The following OR1F1 variants were observed in gnomAD, a reference collection of about 807,000 sequenced individuals.
OR1F1 encodes the protein olfactory receptor 1F1.
For missense variants in OR1F1, 493 were observed against 376.3 expected, an observed-to-expected ratio of 1.31 and a Z score of -2.57; for synonymous variants, 184 against 156.7, an observed-to-expected ratio of 1.17 and a Z score of -1.30.
chr16:3,191,978 C>A, the OR1F1 span, among the ~76,000 whole-genome samples: 1 of 152,238 alleles, frequency 6.6e-6, no homozygotes, highest in East Asian at 1.9e-4. Flanking sequence ...AAGTAAAGGG[C>A]CTGCTGCTGT....
chr16:3,190,249 T>C, the OR1F1 span, among the ~76,000 whole-genome samples: 1 of 152,024 alleles, frequency 6.6e-6, no homozygotes, highest in East Asian at 1.9e-4. Flanking sequence ...GCTCCTCTGC[T>C]CCCCTGTCCT....
At chr16:3,205,482 ATTT>A (rs36031331), downstream of OR1F1, among the ~76,000 whole-genome samples, 76 of 143,598 alleles carry the variant, frequency 5.3e-4, no homozygotes, top group East Asian at 8.2e-4. Context: ...GCCTAGCTAA[ATTT>A]TTTTTTTTTT....
the OR1F1 span, among the ~76,000 whole-genome samples, chr16:3,193,112 A>C: frequency 9.2e-5 from 14 of 152,102 alleles, no homozygotes; most frequent in South Asian, 1.7e-3. Flanking sequence ...TTTTTAGTAG[A>C]GACGGGGTTT....
upstream of OR1F1, chr16:3,204,154 T>C (rs974875795): frequency 5.6e-6 from 5 of 891,494 alleles, no homozygotes; most frequent in African/African-American, 8.5e-5. Flanking sequence ...AGCAAAATTC[T>C]ACTGCCATTC....
chr16:3,196,459 C>G, the OR1F1 span, among the ~76,000 whole-genome samples: 2 of 151,918 alleles, frequency 1.3e-5, no homozygotes, highest in Non-Finnish European at 2.9e-5. Flanking sequence ...TTACAGCTCA[C>G]TGCATCCTTG....
chr16:3,200,199 G>A (rs1194932288), upstream of OR1F1, among the ~76,000 whole-genome samples: 1 of 152,174 alleles, frequency 6.6e-6, no homozygotes, highest in Non-Finnish European at 1.5e-5. Context: ...TAGTAAGCCT[G>A]TTCTGGGTGG....
upstream of OR1F1, among the ~76,000 whole-genome samples, chr16:3,203,366 G>A (rs1481007974): frequency 6.6e-6 from 1 of 152,208 alleles, no homozygotes; most frequent in Non-Finnish European, 1.5e-5. Flanking sequence ...AAGCTCCAGT[G>A]ACGAGTCACC....
chr16:3,192,008 A>AT, the OR1F1 span, among the ~76,000 whole-genome samples: 1 of 152,086 alleles, frequency 6.6e-6, no homozygotes, highest in East Asian at 1.9e-4. Context: ...GTCTAGGGGT[A>AT]TGATTCTCGC....
chr16:3,191,574 A>G, the OR1F1 span, among the ~76,000 whole-genome samples: 1 of 151,148 alleles, frequency 6.6e-6, no homozygotes, highest in Non-Finnish European at 1.5e-5. Context: ...ACGTTGGGCG[A>G]CTTGTTTTCT....
chr16:3,189,924 CGTTT>C, the OR1F1 span: 1 of 151,536 alleles, frequency 6.6e-6, no homozygotes, highest in Non-Finnish European at 1.5e-5. Context: ...TTTTTTTTGT[CGTTT>C]GTTTGGTTTT....
the OR1F1 span, among the ~76,000 whole-genome samples, chr16:3,195,109 C>T: frequency 3.9e-5 from 6 of 152,218 alleles, no homozygotes; most frequent in African/African-American, 1.4e-4. Context: ...CGCATCCCGG[C>T]CCAGGAGGGT....
At chr16:3,203,508 G>A (rs1352134941), upstream of OR1F1, among the ~76,000 whole-genome samples, 1 of 152,226 alleles carries the variant, frequency 6.6e-6, no homozygotes, top group Non-Finnish European at 1.5e-5. Flanking sequence ...GCTCACGCCT[G>A]TAATCCCAGC....
chr16:3,204,987 G>C lies in OR1F1; in HGVS notation c.741G>C (p.Val247=). 3 of 1,614,092 alleles carry C rather than the reference G, an allele frequency of 1.9e-6. No homozygotes were observed. The Admixed American group carries it at 5.0e-5, about 27-fold the overall frequency. ...CCACCTGTGGTTCTCACCTGGCTGT[G>C]GTTCTCCTCTTCTACAGCACCATCA... Residue 247 remains valine (V), a synonymous_variant, in exon 1 of 1, where the codon GTG becomes GTC. Transcript: ENST00000304646.
At chr16:3,190,887 G>C in the OR1F1 span, among the ~76,000 whole-genome samples, 2 of 152,184 alleles carry the variant, frequency 1.3e-5, no homozygotes, top group South Asian at 4.1e-4. Context: ...CCTTAGGAAA[G>C]GCAATAAAGA....
chr16:3,197,469 G>A, the OR1F1 span, among the ~76,000 whole-genome samples: 2,689 of 151,892 alleles, frequency 0.018, 84 homozygotes, highest in African/African-American at 0.06. Flanking sequence ...TTTCCTCTAA[G>A]GCACATCTCA....
chr16:3,196,230 T>C, the OR1F1 span, among the ~76,000 whole-genome samples: 40 of 152,344 alleles, frequency 2.6e-4, no homozygotes, highest in African/African-American at 8.2e-4. Flanking sequence ...TGAGCACATG[T>C]TTCCTTTTCC....
chr16:3,193,444 T>C, the OR1F1 span, among the ~76,000 whole-genome samples: 27 of 152,302 alleles, frequency 1.8e-4, 1 homozygote, highest in African/African-American at 6.0e-4. Flanking sequence ...GCGAAGCCCA[T>C]GCGGGCTGGA....
chr16:3,198,806 G>A, the OR1F1 span, among the ~76,000 whole-genome samples: 2 of 151,794 alleles, frequency 1.3e-5, no homozygotes, highest in African/African-American at 4.8e-5. Context: ...TGAGCAATAT[G>A]GCAAAACCCC....
chr16:3,204,159 C>A, upstream of OR1F1: 1 of 933,940 alleles, frequency 1.1e-6, no homozygotes, highest in Non-Finnish European at 1.6e-6. Context: ...AATTCTACTG[C>A]CATTCCTGTG....
Sources: gnomAD v4.1 joint callset for allele counts (sites outside exome capture counted in the v4.1 genomes callset) on GRCh38, gnomAD v4.1.1 for gene constraint, MANE v1.5 for transcripts, NCBI Gene and HGNC (gene_info 2026-07-23, HGNC 2026-07-21) for gene names.